EPS8: variants seen among roughly 807,000 people sequenced by gnomAD.
The protein encoded by EPS8 is EGFR pathway substrate 8, signaling adaptor, also known as epidermal growth factor receptor kinase substrate 8.
EPS8 carries 42 observed loss-of-function variants against 103.8 expected under a neutral mutation model. That is an observed-to-expected ratio of 0.40 (90% CI 0.32 to 0.52). The LOEUF (loss-of-function observed/expected upper bound fraction) is 0.52. Ranked by LOEUF, EPS8 falls within the 20% of genes least tolerant of loss-of-function variation. EPS8 has a pLI of 0.40. For synonymous variants in EPS8, 344 were observed against 344.6 expected (o/e 1.00, Z 0.02); for missense variants, 969 against 1,005.1 (o/e 0.96, Z 0.49).
rs1946053173 is a variant in EPS8, at chr12:15,684,016, C to T, written c.-21-1044G>A. On this transcript the variant is annotated intron_variant, in intron 1 of 20. Coordinates refer to ENST00000281172, the MANE Select transcript of EPS8 (RefSeq NM_004447.6). The surrounding 1 kb of genome is among the most constrained non-coding windows in gnomAD (Gnocchi z 4.9). ...GTCCTGTGATGGATATTGGGACCAC[C>T]AAAGTGAACCAAACAGACATGGTCC... The T allele has an allele frequency of 6.6e-6, 1 of 152,068 alleles. No individual in the cohort carries two copies. Among genetic ancestry groups the T allele is most frequent in the Non-Finnish European group, 1.5e-5 (1 of 68,016 alleles). 9.4% of individuals were successfully genotyped at this position (152,068 alleles called of 1,614,324 possible). A position where few individuals can be genotyped will look rare whatever the true frequency, so the allele number is the denominator to read the frequency against.
At chr12:15,711,040 A>G (rs1432624708) in intron 1 of EPS8, among the ~76,000 whole-genome samples, 1 of 136,212 alleles carries the variant, frequency 7.3e-6, no homozygotes, top group Non-Finnish European at 1.6e-5. Context: ...AGGCTTATTT[A>G]TTTATTTATT....
At chr12:15,675,342 T>TA (rs1284593963) in intron 3 of EPS8, among the ~76,000 whole-genome samples, 1 of 152,252 alleles carries the variant, frequency 6.6e-6, no homozygotes, top group Non-Finnish European at 1.5e-5. Context: ...GGCTCACACC[T>TA]GTAATCCCAG....
At chr12:15,685,755 C>T (rs1349749269) in intron 1 of EPS8, among the ~76,000 whole-genome samples, 4 of 152,126 alleles carry the variant, frequency 2.6e-5, no homozygotes, top group African/African-American at 9.7e-5. Context: ...GTATACCATG[C>T]GGAGGAAACA....
chr12:15,722,831 C>T (rs2970196), intron 1 of EPS8, among the ~76,000 whole-genome samples: 1,855 of 152,174 alleles, frequency 0.012, 31 homozygotes, highest in African/African-American at 0.037. Flanking sequence ...GAGGGCTCTC[C>T]ATCACTTAAT....
intron 3 of EPS8, chr12:15,672,483 A>G: frequency 2.5e-6 from 1 of 398,554 alleles, no homozygotes; most frequent in Non-Finnish European, 4.4e-6. Context: ...TGATGACCTG[A>G]GGAAGTATGA....
rs1420531301 is a variant in EPS8 at position 15,631,502 on chromosome 12, T to C, written c.1984A>G (p.Ser662Gly). The change falls in exon 18 of 21, where the codon AGT (serine) becomes GGT (glycine). Residue 662 changes from serine (S) to glycine (G), a missense_variant. Transcript: ENST00000281172. ...ANITRQNSSS[S>G]DSGGSIVRDS... ...CGCACGATACTGCCACCACTGTCAC[T>C]GGAGCTGCTGTTTTGACGTGTTATA... 1 of 1,614,086 alleles carries C rather than the reference T, an allele frequency of 6.2e-7. No individual in the cohort carries two copies. The highest frequency in any genetic ancestry group is 1.7e-5 in the Admixed American group (1 of 60,014).
At chr12:15,633,873 A>G (rs2135736936) in intron 17 of EPS8, among the ~76,000 whole-genome samples, 1 of 152,230 alleles carries the variant, frequency 6.6e-6, no homozygotes, top group East Asian at 1.9e-4. Flanking sequence ...TGTGGAAGAA[A>G]AAGAATCAGC....
In EPS8 at chr12:15,705,679, CTTTTAAAAAGT is replaced by C. The variant is rs575724553; in HGVS notation, c.-21-22718_-21-22708del. 2.3e-3 allele frequency among the ~76,000 whole-genome samples: 348 copies of C among 152,232 alleles called. 1 individual carries two copies. Among genetic ancestry groups the C allele is most frequent in the African/African-American group, 8.2e-3 (339 of 41,540 alleles). ...AAAATAAACACATGAATGTACCTTC[CTTTTAAAAAGT>C]TATTGACATTTTATGGCAAATCAGT... On this transcript the variant is annotated intron_variant, in intron 1 of 20. Transcript: ENST00000281172.
At chr12:15,644,542 C>T (rs567363476) in intron 15 of EPS8, among the ~76,000 whole-genome samples, 1 of 152,024 alleles carries the variant, frequency 6.6e-6, no homozygotes, top group Non-Finnish European at 1.5e-5. Flanking sequence ...AAAAAACATA[C>T]AAAAAATTAG....
intron 15 of EPS8, among the ~76,000 whole-genome samples, 176 bp downstream of exon 15, chr12:15,646,951 A>G (rs1243343941): frequency 6.6e-6 from 1 of 152,254 alleles, no homozygotes; most frequent in Non-Finnish European, 1.5e-5. Context: ...CTGAAGGTCC[A>G]GACATCTTTT....
In EPS8 at chr12:15,731,888, G is replaced by C. The variant is rs368022333; in HGVS notation, c.-21-48916C>G. Reference sequence around the variant, plus strand: ...GTGTGTGTAGGCAAAAGGAAGCTGGGTGGTTAATCACTATATATATCTGTT... The same window carrying C: ...GTGTGTGTAGGCAAAAGGAAGCTGGCTGGTTAATCACTATATATATCTGTT... On this transcript the variant is annotated intron_variant, in intron 1 of 20. Transcript: ENST00000281172. The surrounding 1 kb of genome is among the most constrained non-coding windows in gnomAD (Gnocchi z 5.1). Among the ~76,000 whole-genome samples the C allele has an allele frequency of 1.3e-5, 2 of 152,050 alleles. No homozygotes were observed. Among genetic ancestry groups the C allele is most frequent in the African/African-American group, 4.8e-5 (2 of 41,414 alleles).
rs140902078 is a variant in EPS8 at position 15,764,145 on chromosome 12, G to A, written c.-22+25016C>T. Among the ~76,000 whole-genome samples, 26 of 152,242 alleles carry A rather than the reference G, an allele frequency of 1.7e-4. No individual in the cohort carries two copies. The highest frequency in any genetic ancestry group is 6.3e-4 in the African/African-American group (26 of 41,540). On this transcript the variant is annotated intron_variant, in intron 1 of 20. Transcript: ENST00000281172. This position sits in a 1 kb window ranked among gnomAD's most constrained non-coding sequence, Gnocchi z 4.1. ...GGAGGAGCAAAGTAACATCTTACAT[G>A]GTAGCAGGCAAGAGAGCATATGCAG... is the stretch of plus-strand genomic sequence containing the variant.
Position 15,666,419 on chromosome 12 carries a change from G to A in EPS8, c.599+21C>T, listed in dbSNP as rs141950424. 35 of 1,583,684 alleles carry A rather than the reference G, an allele frequency of 2.2e-5. No individual in the cohort carries two copies. The East Asian group carries it at 6.7e-4, about 30-fold the overall frequency. On this transcript the variant is annotated intron_variant, in intron 7 of 20. Transcript: ENST00000281172. ...TAGAAACAAATCAATTCCACTCCTT[G>A]ATTTCTTTCAATGCTTTTACCTCAG...
rs1276989743 is a variant in EPS8, at chr12:15,778,323, A to G, written c.-22+10838T>C. Among the ~76,000 whole-genome samples, 1 of 152,198 alleles carries G rather than the reference A, an allele frequency of 6.6e-6. No homozygotes were observed. The highest frequency in any genetic ancestry group is 2.4e-5 in the African/African-American group (1 of 41,456). On this transcript the variant is annotated intron_variant, in intron 1 of 20. Coordinates refer to ENST00000281172, the MANE Select transcript of EPS8 (RefSeq NM_004447.6). The surrounding 1 kb of genome is among the most constrained non-coding windows in gnomAD (Gnocchi z 4.5). ...TTGCATGCATGAGTATCATGTGAAT[A>G]ATGCTACAAGTATTGGACCAATGAC...
intron 17 of EPS8, among the ~76,000 whole-genome samples, chr12:15,639,222 C>T (rs913093679): frequency 6.6e-6 from 1 of 151,994 alleles, no homozygotes; most frequent in East Asian, 1.9e-4. Flanking sequence ...TGTACTCTAC[C>T]ATTATTTTAA....
chr12:15,694,418 G>A (rs1004188157), intron 1 of EPS8, among the ~76,000 whole-genome samples: 3 of 152,198 alleles, frequency 2.0e-5, no homozygotes, highest in Non-Finnish European at 4.4e-5. Flanking sequence ...AAGCATGGAC[G>A]TGAGGCAATA....
intron 10 of EPS8, among the ~76,000 whole-genome samples, chr12:15,659,012 C>T (rs1057270070): frequency 6.6e-6 from 1 of 152,044 alleles, no homozygotes; most frequent in African/African-American, 2.4e-5. Context: ...GAGAAAGTAG[C>T]TTATAAGATG....
At chr12:15,626,935 C>T (rs969377846) in intron 18 of EPS8, among the ~76,000 whole-genome samples, 3 of 152,296 alleles carry the variant, frequency 2.0e-5, no homozygotes, top group Middle Eastern at 3.4e-3. Context: ...CCCAAAAGCA[C>T]TCTCTATCCA....
chr12:15,641,705 A>T lies in EPS8; in HGVS notation c.1677+17T>A. The T allele has an allele frequency of 7.3e-7, 1 of 1,361,946 alleles. No homozygotes were observed. The highest frequency in any genetic ancestry group is 1.0e-6 in the Non-Finnish European group (1 of 987,266). 84.4% of individuals were successfully genotyped at this position (1,361,946 alleles called of 1,614,324 possible). ...AACTACTTTATTAAGAGTATAAAAA[A>T]GAAAAAATTATATTACCTCTAAAAT... On this transcript the variant is annotated intron_variant, in intron 16 of 20. Transcript: ENST00000281172.
Sources: allele counts gnomAD v4.1 joint callset (sites outside exome capture counted in the v4.1 genomes callset), GRCh38; gene constraint gnomAD v4.1.1; non-coding constraint Gnocchi (gnomAD v3.1); transcripts MANE v1.5; gene names NCBI Gene and HGNC (gene_info 2026-07-23, HGNC 2026-07-21).